RASGRP1: variants seen among roughly 807,000 people sequenced by gnomAD.
RASGRP1 encodes RAS guanyl-releasing protein 1.
A neutral mutation model predicts 95.1 loss-of-function variants in RASGRP1; 37 were observed. The observed-to-expected ratio is 0.39, with a 90% CI of 0.30 to 0.51. RASGRP1 has a LOEUF of 0.51. Among genes scored for constraint, RASGRP1 ranks in the 20% least tolerant of loss-of-function variants. The probability of loss-of-function intolerance (pLI) is 0.80; values close to 1 mark genes in which losing one functional copy is unlikely to be tolerated. For missense variants in RASGRP1, 711 were observed against 965.4 expected (o/e 0.74, Z 3.49); for synonymous variants, 325 against 353.4 (o/e 0.92, Z 0.90).
chr15:38,501,847 T>C (rs910729831), intron 12 of RASGRP1, among the ~76,000 whole-genome samples: 2 of 150,580 alleles, frequency 1.3e-5, no homozygotes, highest in Non-Finnish European at 2.9e-5. Flanking sequence ...GAATGTTCAA[T>C]TCAGTTTTTG....
intron 2 of RASGRP1, among the ~76,000 whole-genome samples, chr15:38,542,584 G>A (rs1011551751): frequency 3.3e-5 from 5 of 150,022 alleles, no homozygotes; most frequent in East Asian, 1.9e-4. Context: ...TTCAGAAATC[G>A]GCAGTGAAGT....
At chr15:38,536,987 G>A (rs958624330) in intron 2 of RASGRP1, among the ~76,000 whole-genome samples, 12 of 152,174 alleles carry the variant, frequency 7.9e-5, no homozygotes, top group African/African-American at 1.9e-4. Context: ...CACTATAACA[G>A]TGATGAATTA....
chr15:38,498,937 A>G lies in RASGRP1; in HGVS notation c.1730T>C (p.Met577Thr), dbSNP rs1890903353. 6.2e-7 allele frequency: 1 copy of G among 1,613,790 alleles called. No individual in the cohort carries two copies. Among genetic ancestry groups the G allele is most frequent in the African/African-American group, 1.3e-5 (1 of 74,898 alleles). ...KQGYRCKDCG[M>T]NCHKQCKDLV... The stretch of plus-strand genomic sequence containing the variant: ...ATCTTTGCATTGTTTGTGACAGTTC[A>G]TCCCGCAGTCTGTGGACAAGACATC... Residue 577 changes from methionine (M) to threonine (T), a missense_variant, in exon 15 of 17, where the codon ATG becomes ACG. Around this residue, in one of 3 missense-constraint regions of RASGRP1, gnomAD observed 8 missense variants for 40.9 expected, o/e 0.20. Transcript: ENST00000310803.
At chr15:38,521,750 C>T (rs1892010221) in intron 3 of RASGRP1, among the ~76,000 whole-genome samples, 1 of 152,162 alleles carries the variant, frequency 6.6e-6, no homozygotes, top group African/African-American at 2.4e-5. Flanking sequence ...TCTGACTGTA[C>T]TTTTCAGGCA....
intron 3 of RASGRP1, among the ~76,000 whole-genome samples, chr15:38,523,779 A>G (rs1377569794): frequency 6.6e-6 from 1 of 152,146 alleles, no homozygotes; most frequent in Non-Finnish European, 1.5e-5. Context: ...ATGTGCTACA[A>G]CCACCTACAG....
chr15:38,513,825 C>T (rs1891644507), intron 6 of RASGRP1, among the ~76,000 whole-genome samples: 1 of 152,200 alleles, frequency 6.6e-6, no homozygotes, highest in Non-Finnish European at 1.5e-5. Flanking sequence ...TCCAACTCTT[C>T]CCTTCTCAAC....
At chr15:38,516,605 G>A (rs940783943) in intron 5 of RASGRP1, among the ~76,000 whole-genome samples, 3 of 151,934 alleles carry the variant, frequency 2.0e-5, no homozygotes, top group African/African-American at 4.8e-5. Flanking sequence ...TTTACTTTAA[G>A]GCAGTGGGAA....
In RASGRP1 at chr15:38,494,736, A is replaced by G; in HGVS notation, c.1905T>C (p.Asn635=). 6.6e-7 allele frequency: 1 copy of G among 1,509,058 alleles called. No homozygotes were observed. Among genetic ancestry groups the G allele is most frequent in the Non-Finnish European group, 8.8e-7 (1 of 1,131,448 alleles). 93.5% of individuals were successfully genotyped at this position (1,509,058 alleles called of 1,614,324 possible). A position where few individuals can be genotyped will look rare whatever the true frequency, so the allele number is the denominator to read the frequency against. ...CCTCACCATGTTCCACAGCCTCCCC[A>G]TTAGGGAATGTAAAAGGTCCTTCCT... ...APEEGPFTFP[N]GEAVEHGEES... The change falls in exon 16 of 17, where the codon AAT becomes AAC. Residue 635 remains asparagine (N), a synonymous_variant. Coordinates refer to ENST00000310803, the MANE Select transcript of RASGRP1 (RefSeq NM_005739.4).
chr15:38,505,947 A>T (rs1401412902), intron 9 of RASGRP1, 27 bp from the exon 10 acceptor site: 1 of 1,545,134 alleles, frequency 6.5e-7, no homozygotes, highest in Non-Finnish European at 8.9e-7. Flanking sequence ...AACAGGGTTC[A>T]TTGCTAAGAT....
intron 2 of RASGRP1, among the ~76,000 whole-genome samples, chr15:38,553,487 G>A (rs933719187): frequency 2.0e-5 from 3 of 152,158 alleles, no homozygotes; most frequent in Admixed American, 6.5e-5. Flanking sequence ...CTCAGGAGAA[G>A]CACTCCCCAG....
rs1890470791 is a variant in RASGRP1 at position 38,489,166 on chromosome 15, T to C, written c.*1388A>G. 1.3e-5 allele frequency: 2 copies of C among 152,082 alleles called. No individual in the cohort carries two copies. Among genetic ancestry groups the C allele is most frequent in the African/African-American group, 4.8e-5 (2 of 41,550 alleles). The allele number at this position is 152,082 out of a possible 1,614,324, so 9.4% of individuals were successfully genotyped here. ...ACATATTCTTGGCAATTGGACAACT[T>C]GTTTATGAATTTCAAGTCAGTCTGG... On this transcript the variant is annotated 3_prime_UTR_variant, in exon 17 of 17. Transcript: ENST00000310803.
At chr15:38,518,768 T>C (rs1246657435) in intron 4 of RASGRP1, among the ~76,000 whole-genome samples, 1 of 152,236 alleles carries the variant, frequency 6.6e-6, no homozygotes. Context: ...TATTCATAGA[T>C]TATGCTTTAT....
chr15:38,564,365 C>A (rs1035014735), intron 1 of RASGRP1, among the ~76,000 whole-genome samples: 5 of 152,126 alleles, frequency 3.3e-5, no homozygotes, highest in Non-Finnish European at 7.4e-5. Context: ...TCTGGCCTCG[C>A]GGCCGCCCCT....
chr15:38,511,608 T>C lies in RASGRP1; in HGVS notation c.962A>G (p.Asn321Ser), dbSNP rs746436340. 8 of 1,611,498 alleles carry C rather than the reference T, an allele frequency of 5.0e-6. No homozygotes were observed. The highest frequency in any genetic ancestry group is 2.7e-5 in the African/African-American group (2 of 74,840). The change falls in exon 8 of 17, where the codon AAT becomes AGT. Residue 321 changes from asparagine to serine, a missense_variant. By Grantham distance (46) the Asn-to-Ser change is conservative. Transcript: ENST00000310803. ...AGAGAAGACAGTAGCACTGACCTTA[T>C]TGATTTCATGTGGGACATGCGAACT... ...ETSSHVPHEI[N>S]KVLGEMTELL... is the part of the protein sequence containing the mutation.
intron 8 of RASGRP1, among the ~76,000 whole-genome samples, chr15:38,509,760 C>T (rs185279518): frequency 5.1e-4 from 77 of 152,208 alleles, no homozygotes; most frequent in African/African-American, 1.8e-3. Flanking sequence ...TGAATTATTT[C>T]TGGGATTTTC....
chr15:38,493,427 C>T (rs1890674018), intron 16 of RASGRP1, among the ~76,000 whole-genome samples: 1 of 152,064 alleles, frequency 6.6e-6, no homozygotes, highest in Admixed American at 6.6e-5. Context: ...ATCCACCCAC[C>T]TCTGCCTCCC....
chr15:38,493,319 A>C (rs902588809), intron 16 of RASGRP1, among the ~76,000 whole-genome samples: 3 of 151,512 alleles, frequency 2.0e-5, no homozygotes, highest in Non-Finnish European at 4.4e-5. Context: ...CTGGGATTAC[A>C]GGCACCTGCC....
intron 2 of RASGRP1, chr15:38,534,367 A>T (rs1307902135): frequency 6.6e-6 from 1 of 152,226 alleles, no homozygotes; most frequent in African/African-American, 2.4e-5. Flanking sequence ...ATAACCTGGT[A>T]TGTCATACCC....
chr15:38,556,969 C>T (rs962334356), intron 2 of RASGRP1, among the ~76,000 whole-genome samples: 3 of 152,202 alleles, frequency 2.0e-5, no homozygotes. Flanking sequence ...CCCCTCCACA[C>T]TTCTGTACAG....
Sources: allele counts gnomAD v4.1 joint callset (sites outside exome capture counted in the v4.1 genomes callset), GRCh38; gene constraint gnomAD v4.1.1; regional missense constraint gnomAD v4.1.1; transcripts MANE v1.5; gene names NCBI Gene and HGNC (gene_info 2026-07-23, HGNC 2026-07-21).